Variants in ARHGEF7 observed in about 807,000 individuals in gnomAD.
ARHGEF7 encodes the protein PAK-interacting exchange factor beta.
A neutral mutation model predicts 109.8 loss-of-function variants in ARHGEF7; 33 were observed. The ratio of observed to expected loss-of-function variants is 0.30; its 90% CI spans 0.23 to 0.40. The LOEUF (loss-of-function observed/expected upper bound fraction) is 0.40, where lower values mean the gene tolerates loss of function less well. Among genes scored for constraint, ARHGEF7 ranks in the 10% least tolerant of loss-of-function variants. The probability of loss-of-function intolerance (pLI) is 1.00; values close to 1 mark genes in which losing one functional copy is unlikely to be tolerated. For missense variants in ARHGEF7, 938 were observed against 1,098.5 expected (o/e 0.85, Z 2.07); for synonymous variants, 458 against 424.6 (o/e 1.08, Z -0.97).
intron 19 of ARHGEF7, among the ~76,000 whole-genome samples, chr13:111,297,107 C>T (rs1276272146): frequency 6.6e-6 from 1 of 152,190 alleles, no homozygotes; most frequent in Admixed American, 6.5e-5. Flanking sequence ...TCTAAAACAT[C>T]GTTCTTTAAA....
intron 8 of ARHGEF7, among the ~76,000 whole-genome samples, chr13:111,265,124 CAAAAAAAAAAAA>C (rs976877106): frequency 1.2e-4 from 8 of 69,474 alleles, no homozygotes; most frequent in South Asian, 1.2e-3. Flanking sequence ...AACTCCATCT[CAAAAAAAAAAAA>C]AAAAAAAAAA....
chr13:111,183,373 G>C (rs957650313), intron 2 of ARHGEF7, among the ~76,000 whole-genome samples: 8 of 151,840 alleles, frequency 5.3e-5, no homozygotes, highest in African/African-American at 7.3e-5. Context: ...AATGTTCTCA[G>C]TGAAAATGTG....
chr13:111,279,953 T>A (rs886161007), intron 13 of ARHGEF7, among the ~76,000 whole-genome samples: 1 of 152,246 alleles, frequency 6.6e-6, no homozygotes, highest in Non-Finnish European at 1.5e-5. Flanking sequence ...GGTAGTTTTT[T>A]AAAAATCATA....
intron 2 of ARHGEF7, among the ~76,000 whole-genome samples, chr13:111,197,023 A>C (rs1009863481): frequency 7.2e-5 from 11 of 152,198 alleles, no homozygotes; most frequent in African/African-American, 2.4e-4. Context: ...ATGCATTTCA[A>C]GGGTGAGCAT....
intron 1 of ARHGEF7, among the ~76,000 whole-genome samples, chr13:111,133,139 G>A (rs1056680335): frequency 6.6e-6 from 1 of 151,902 alleles, no homozygotes; most frequent in Non-Finnish European, 1.5e-5. Context: ...ACGTGCATAT[G>A]TACACATGTG....
Position 111,201,544 on chromosome 13 carries a change from T to A in ARHGEF7, c.253-3745T>A, listed in dbSNP as rs529235312. ...AGTGGGCTTTTTCTTGTGGTTATTT[T>A]GCATTTTTAAAAGTAAGAGTTTTCC... On this transcript the variant is annotated intron_variant, in intron 2 of 21. Coordinates refer to ENST00000646102, the MANE Select transcript of ARHGEF7 (RefSeq NM_001354046.2). Among the ~76,000 whole-genome samples, 192 of 152,368 alleles carry A rather than the reference T, an allele frequency of 1.3e-3. 2 individuals carry two copies. Among genetic ancestry groups the A allele is most frequent in the Non-Finnish European group, 2.2e-3 (153 of 68,034 alleles).
At chr13:111,222,761 A>C (rs1026407140) in intron 5 of ARHGEF7, among the ~76,000 whole-genome samples, 4 of 152,226 alleles carry the variant, frequency 2.6e-5, no homozygotes, top group Non-Finnish European at 4.4e-5. Context: ...ATTTGAGGCA[A>C]GTGTGAAACC....
intron 16 of ARHGEF7, among the ~76,000 whole-genome samples, chr13:111,283,985 T>C (rs533830153): frequency 1.5e-4 from 23 of 152,150 alleles, no homozygotes; most frequent in Non-Finnish European, 3.1e-4. Context: ...CCTTACACTT[T>C]TACCTAAACC....
intron 16 of ARHGEF7, among the ~76,000 whole-genome samples, chr13:111,283,845 G>A (rs374287785): frequency 1.3e-5 from 2 of 152,116 alleles, no homozygotes; most frequent in Admixed American, 1.3e-4. Context: ...TCACTTAGGC[G>A]GTTTCCCCCT....
At chr13:111,153,588 A>ATT (rs2076029348) in intron 1 of ARHGEF7, 1 of 1,106,672 alleles carries the variant, frequency 9.0e-7, no homozygotes, top group African/African-American at 1.7e-5. Context: ...GGGGGCGAAC[A>ATT]CCCGACGCTA....
In ARHGEF7 at chr13:111,150,791, TG is replaced by T. The variant is rs371907475; in HGVS notation, c.166-3113del. 2.9e-3 allele frequency among the ~76,000 whole-genome samples: 445 copies of T among 152,282 alleles called. 2 individuals are homozygous for T. Among genetic ancestry groups the T allele is most frequent in the African/African-American group, 0.01 (434 of 41,568 alleles). ...ATGCCCTGAGGGGCTGGACGAGAGATGTAGTATTGGGGGCATGAAAAGAACT... is the reference window on the plus strand; with the variant it reads ...ATGCCCTGAGGGGCTGGACGAGAGATTAGTATTGGGGGCATGAAAAGAACT... On this transcript the variant is annotated intron_variant, in intron 1 of 21. Coordinates refer to ENST00000646102, the MANE Select transcript of ARHGEF7 (RefSeq NM_001354046.2).
chr13:111,210,477 A>G (rs2082360341), intron 4 of ARHGEF7, among the ~76,000 whole-genome samples: 1 of 152,214 alleles, frequency 6.6e-6, no homozygotes, highest in African/African-American at 2.4e-5. Context: ...CAGGGGAGGG[A>G]ATCCCTTAGA....
At chr13:111,235,582 T>C (rs1409991537) in intron 6 of ARHGEF7, among the ~76,000 whole-genome samples, 1 of 152,240 alleles carries the variant, frequency 6.6e-6, no homozygotes, top group Non-Finnish European at 1.5e-5. Flanking sequence ...AATAAACTCA[T>C]AGAATTCATA....
intron 2 of ARHGEF7, among the ~76,000 whole-genome samples, chr13:111,183,862 T>TAA (rs1470891269): frequency 6.6e-6 from 1 of 152,216 alleles, no homozygotes; most frequent in Non-Finnish European, 1.5e-5. Flanking sequence ...CTCTCCTGTG[T>TAA]AAAAGATGAG....
chr13:111,120,553 G>T (rs935769105), intron 1 of ARHGEF7, among the ~76,000 whole-genome samples: 1 of 152,184 alleles, frequency 6.6e-6, no homozygotes, highest in Non-Finnish European at 1.5e-5. Flanking sequence ...TTGAGGGAGT[G>T]GGGGAAGGAG....
intron 19 of ARHGEF7, among the ~76,000 whole-genome samples, chr13:111,297,949 T>C (rs79269249): frequency 0.024 from 3,667 of 152,368 alleles, 151 homozygotes; most frequent in African/African-American, 0.085. Flanking sequence ...GTCTCATTAG[T>C]GAATCCATTT....
chr13:111,301,661 G>A, intron 21 of ARHGEF7, 129 bp downstream of exon 21: 1 of 672,314 alleles, frequency 1.5e-6, no homozygotes, highest in East Asian at 2.9e-5. Context: ...AGAAGGCCGA[G>A]GTGGACAGAT....
chr13:111,187,941 C>T (rs552205684), intron 2 of ARHGEF7, among the ~76,000 whole-genome samples: 8 of 152,320 alleles, frequency 5.3e-5, no homozygotes, highest in South Asian at 2.1e-4. Flanking sequence ...AATGTCTTCC[C>T]GTTTTTGGAT....
chr13:111,284,927 G>A (rs1272159363), intron 16 of ARHGEF7, among the ~76,000 whole-genome samples: 3 of 152,230 alleles, frequency 2.0e-5, no homozygotes, highest in Non-Finnish European at 4.4e-5. Context: ...AATTTGCTTC[G>A]AATTAGGGAA....
Sources: gnomAD v4.1 joint callset for allele counts (sites outside exome capture counted in the v4.1 genomes callset) on GRCh38, gnomAD v4.1.1 for gene constraint, MANE v1.5 for transcripts, NCBI Gene and HGNC (gene_info 2026-07-23, HGNC 2026-07-21) for gene names.